Variants in SCARF2 observed in about 807,000 individuals in gnomAD.
SCARF2 encodes the protein scavenger receptor expressed by endothelial cells 2 protein.
In SCARF2, 39 loss-of-function variants were observed where a neutral mutation model predicts 73.4. That is an observed-to-expected ratio of 0.53 (90% CI 0.41 to 0.69). The LOEUF (loss-of-function observed/expected upper bound fraction) is 0.69. SCARF2 is among the 30% of genes least tolerant of loss of function. The pLI, the probability that SCARF2 is intolerant of heterozygous loss-of-function variation, is 0.00. For missense variants in SCARF2, 1,148 were observed against 1,303.5 expected, an observed-to-expected ratio of 0.88 and a Z score of 1.84; for synonymous variants, 605 against 590.0, an observed-to-expected ratio of 1.03 and a Z score of -0.37.
In SCARF2 at chr22:20,425,751, CGGGCCCTGGGCGGCGAGGGCGCAGCGA is replaced by C. The variant is rs1406749508; in HGVS notation, c.2198_2224del (p.Leu733_Ala741del). 2 of 1,246,528 alleles carry C rather than the reference CGGGCCCTGGGCGGCGAGGGCGCAGCGA, an allele frequency of 1.6e-6. No individual in the cohort carries two copies. Among genetic ancestry groups the C allele is most frequent in the East Asian group, 6.5e-5 (2 of 30,632 alleles). The allele number at this position is 1,246,528 out of a possible 1,614,324, so 77.2% of individuals were successfully genotyped here. Reference sequence around the variant, plus strand: ...GAGGCCGGGGCCGCGGCCCCGCGCTCGGGCCCTGGGCGGCGAGGGCGCAGCGAGGGCTGTCGCCTCCTCGGGCAGCCC... The same window carrying C: ...GAGGCCGGGGCCGCGGCCCCGCGCTCGGGCTGTCGCCTCCTCGGGCAGCCC... On this transcript the variant is annotated inframe_deletion, in exon 11 of 11. Transcript: ENST00000622235. This position sits in a 1 kb window ranked among gnomAD's most constrained non-coding sequence, Gnocchi z 4.6.
Position 20,425,119 on chromosome 22 carries a change from A to G in SCARF2, c.*256T>C. 1 of 388,378 alleles carries G rather than the reference A, an allele frequency of 2.6e-6. No homozygotes were observed. Among genetic ancestry groups the G allele is most frequent in the East Asian group, 3.7e-5 (1 of 27,326 alleles). 24.1% of individuals were successfully genotyped at this position (388,378 alleles called of 1,614,324 possible). A position where few individuals can be genotyped will look rare whatever the true frequency, so the allele number is the denominator to read the frequency against. ...AGACGCTGTCTGGTCGGAGCGCTCC[A>G]TAACTCGGCCAATGGGGAGGGAGTC... On this transcript the variant is annotated 3_prime_UTR_variant, in exon 11 of 11. Transcript: ENST00000622235. The surrounding 1 kb of genome is among the most constrained non-coding windows in gnomAD (Gnocchi z 4.6).
At chr22:20,427,619 C>T (rs967987932) in intron 9 of SCARF2, 69 bp from the exon 10 acceptor site, 6 of 1,579,346 alleles carry the variant, frequency 3.8e-6, no homozygotes, top group Non-Finnish European at 5.2e-6. Context: ...TTAGCCCCTG[C>T]TGTGACAAAT....
chr22:20,430,974 C>G (rs1352760070), intron 4 of SCARF2, 44 bp downstream of exon 4: 3 of 1,565,108 alleles, frequency 1.9e-6, no homozygotes, highest in Non-Finnish European at 1.7e-6. Context: ...ATCGGCGGCC[C>G]GCCCTTCCAC....
rs1200339596 is a variant in SCARF2, at chr22:20,430,691, G to A, written c.1072C>T (p.Arg358Trp). 6.3e-7 allele frequency: 1 copy of A among 1,597,744 alleles called. No individual in the cohort carries two copies. The highest frequency in any genetic ancestry group is 1.3e-5 in the African/African-American group (1 of 74,774). The change falls in exon 5 of 11, where the codon CGG (arginine) becomes TGG (tryptophan). Residue 358 changes from arginine (R) to tryptophan (W), a missense_variant and splice_region_variant. Transcript: ENST00000622235. ...GCCGACGCAGGCAGGGCTGCTCACC[G>A]GTCGCCGATCCAGCCCGCGTTGCAG... is the stretch of plus-strand genomic sequence containing the variant. ...TRCNAGWIGDRCETKCSNGTY... is the reference protein window; with the variant it reads ...TRCNAGWIGDWCETKCSNGTY...
chr22:20,431,161 G>T lies in SCARF2; in HGVS notation c.711C>A (p.Gly237=). ...GRCQCRERTF[G]ARCDRYCQCF... ...ACTGGCAGTAGCGATCGCAGCGCGCGCCGAACGTACGCTCGCGGCACTGAC... is the reference window on the plus strand; with the variant it reads ...ACTGGCAGTAGCGATCGCAGCGCGCTCCGAACGTACGCTCGCGGCACTGAC... Residue 237 remains glycine, a synonymous_variant, in exon 4 of 11, where the codon GGC becomes GGA. Coordinates refer to ENST00000622235, the MANE Select transcript of SCARF2 (RefSeq NM_182895.5). 2 of 1,567,282 alleles carry T rather than the reference G, an allele frequency of 1.3e-6. No individual in the cohort carries two copies. Among genetic ancestry groups the T allele is most frequent in the Non-Finnish European group, 8.6e-7 (1 of 1,165,510 alleles).
chr22:20,433,283 G>A (rs2052666959), intron 1 of SCARF2, among the ~76,000 whole-genome samples: 1 of 152,158 alleles, frequency 6.6e-6, no homozygotes, highest in South Asian at 2.1e-4. Flanking sequence ...GTTCCCAGCC[G>A]ACCCAGAACT....
chr22:20,429,618 C>T lies in SCARF2; in HGVS notation c.1342G>A (p.Ala448Thr), dbSNP rs753663889. 6.2e-7 allele frequency: 1 copy of T among 1,613,756 alleles called. No homozygotes were observed. The highest frequency in any genetic ancestry group is 8.5e-7 in the Non-Finnish European group (1 of 1,179,914). Residue 448 changes from alanine (A) to threonine (T), a missense_variant, in exon 8 of 11, where the codon GCG becomes ACG. Around this residue, in one of 5 missense-constraint regions of SCARF2, gnomAD observed 437 missense variants for 433.6 expected, o/e 1.01. Coordinates refer to ENST00000622235, the MANE Select transcript of SCARF2 (RefSeq NM_182895.5). This position sits in a 1 kb window ranked among gnomAD's most constrained non-coding sequence, Gnocchi z 5.2. The stretch of plus-strand genomic sequence containing the variant: ...AGGCAGACGAGCAGGACGAGCAGCG[C>T]GCCCGCGCCCATCACGCCCTTGCGC... The part of the protein sequence containing the change: ...NQRKGVMGAG[A>T]LLVLLVCLLL...
chr22:20,430,832 C>G lies in SCARF2; in HGVS notation c.931G>C (p.Gly311Arg). Residue 311 changes from glycine to arginine, a missense_variant, in exon 5 of 11, where the codon GGA becomes CGA. Around this residue, in one of 5 missense-constraint regions of SCARF2, gnomAD observed 372 missense variants for 532.0 expected, o/e 0.70. Transcript: ENST00000622235. ...GCGCAAGGCTGGTCGCACTTGGTTC[C>G]GTTCCAGCCGGGCTCGCACGTCAAG... ...RCLTCEPGWN[G>R]TKCDQPCATG... 1 of 1,607,256 alleles carries G rather than the reference C, an allele frequency of 6.2e-7. No individual in the cohort carries two copies. The highest frequency in any genetic ancestry group is 8.5e-7 in the Non-Finnish European group (1 of 1,178,022).
Position 20,430,786 on chromosome 22 carries a change from C to G in SCARF2, c.977G>C (p.Gly326Ala), listed in dbSNP as rs1418268494. 5 of 1,605,534 alleles carry G rather than the reference C, an allele frequency of 3.1e-6. No homozygotes were observed. The highest frequency in any genetic ancestry group is 3.4e-6 in the Non-Finnish European group (4 of 1,177,172). Residue 326 changes from glycine (G) to alanine (A), a missense_variant, in exon 5 of 11, where the codon GGC becomes GCC. This residue lies in a region of SCARF2 where 372 missense variants were observed against 532.0 expected (regional missense o/e 0.70). Coordinates refer to ENST00000622235, the MANE Select transcript of SCARF2 (RefSeq NM_182895.5). ...GCATGGCGGACAGCGGTGGCTGCAG[C>G]CCTCGCCATAGAAACCGGTGGCGCA... ...QPCATGFYGE[G>A]CSHRCPPCRD...
At chr22:20,432,109 G>A in intron 1 of SCARF2, 121 bp from the exon 2 acceptor site, 5 of 1,051,352 alleles carry the variant, frequency 4.8e-6, no homozygotes, top group Non-Finnish European at 7.1e-6. Context: ...TGTCCTAGGG[G>A]GGTGGTTAAT....
rs1262162843 is a variant in SCARF2 at position 20,426,148 on chromosome 22, G to T, written c.1828C>A (p.Arg610=). The change falls in exon 11 of 11, where the codon CGG becomes AGG. Residue 610 remains arginine, a synonymous_variant. Transcript: ENST00000622235. The part of the protein sequence containing the change: ...IPLPASSDSE[R]SASSVEGPGG... ...GGCCCCTCCACGCTGGACGCCGACC[G>T]CTCGCTGTCGGAGGACGCGGGGAGG... 2 of 1,469,524 alleles carry T rather than the reference G, an allele frequency of 1.4e-6. No individual in the cohort carries two copies. Among genetic ancestry groups the T allele is most frequent in the East Asian group, 5.2e-5 (2 of 38,246 alleles). 91.0% of individuals were successfully genotyped at this position (1,469,524 alleles called of 1,614,324 possible).
Position 20,425,049 on chromosome 22 carries a change from G to GT in SCARF2, c.*325dup. The GT allele has an allele frequency of 3.3e-6, 1 of 303,254 alleles. No individual in the cohort carries two copies. The highest frequency in any genetic ancestry group is 6.1e-6 in the Non-Finnish European group (1 of 164,552). The allele number at this position is 303,254 out of a possible 1,614,324, so 18.8% of individuals were successfully genotyped here. On this transcript the variant is annotated 3_prime_UTR_variant, in exon 11 of 11. Transcript: ENST00000622235. The surrounding 1 kb of genome is among the most constrained non-coding windows in gnomAD (Gnocchi z 4.6). ...CCCTAACCAAGTCCACTCCTGGCCA[G>GT]TAAGAGGCGGTCTTTAAGCGGAACC... is the stretch of plus-strand genomic sequence containing the variant.
rs1247446851 is a variant in SCARF2 at position 20,425,292 on chromosome 22, C to T, written c.*83G>A. 3.3e-6 allele frequency: 4 copies of T among 1,206,922 alleles called. No individual in the cohort carries two copies. The highest frequency in any genetic ancestry group is 3.2e-5 in the East Asian group (1 of 31,490). 74.8% of individuals were successfully genotyped at this position (1,206,922 alleles called of 1,614,324 possible). A position where few individuals can be genotyped will look rare whatever the true frequency, so the allele number is the denominator to read the frequency against. On this transcript the variant is annotated 3_prime_UTR_variant, in exon 11 of 11. Transcript: ENST00000622235. This position sits in a 1 kb window ranked among gnomAD's most constrained non-coding sequence, Gnocchi z 4.6. ...CGGTGCCCGGCCAATAGGAGGCCGC[C>T]CGTGCCCGGTAGCGTGGGAGGTGTG...
At chr22:20,433,118 G>T (rs1031156927) in intron 1 of SCARF2, among the ~76,000 whole-genome samples, 1 of 152,188 alleles carries the variant, frequency 6.6e-6, no homozygotes, top group Non-Finnish European at 1.5e-5. Flanking sequence ...TAAAACCCTG[G>T]GTGGATGGGG....
At chr22:20,426,646 G>A (rs1471784512) in intron 10 of SCARF2, among the ~76,000 whole-genome samples, 1 of 152,222 alleles carries the variant, frequency 6.6e-6, no homozygotes, top group Non-Finnish European at 1.5e-5. Context: ...TAAGAGAGAA[G>A]GCTTCTAGCT....
In SCARF2 at chr22:20,431,012, G is replaced by C. The variant is rs1395841064; in HGVS notation, c.854+6C>G. ...CCTCCCTCCCTGGCCGAGAGACCGC[G>C]CTTACCGGCGGCGACAGCCCAAGCC... is the stretch of plus-strand genomic sequence containing the variant. On this transcript the variant is annotated splice_donor_region_variant and intron_variant, in intron 4 of 10. Transcript: ENST00000622235. 2 of 1,560,558 alleles carry C rather than the reference G, an allele frequency of 1.3e-6. No homozygotes were observed. The highest frequency in any genetic ancestry group is 1.7e-6 in the Non-Finnish European group (2 of 1,161,242).
rs2052559359 is a variant in SCARF2, at chr22:20,425,346, G to A, written c.*29C>T. The stretch of plus-strand genomic sequence containing the variant: ...TGGCGGGCGGCGCTGCGAAGCTGAG[G>A]GAGCTGCGCGCGGACGAGCCACAGC... On this transcript the variant is annotated 3_prime_UTR_variant, in exon 11 of 11. Transcript: ENST00000622235. This position sits in a 1 kb window ranked among gnomAD's most constrained non-coding sequence, Gnocchi z 4.6. 2 of 1,362,786 alleles carry A rather than the reference G, an allele frequency of 1.5e-6. No homozygotes were observed. Among genetic ancestry groups the A allele is most frequent in the East Asian group, 3.1e-5 (1 of 32,732 alleles). The allele number at this position is 1,362,786 out of a possible 1,614,324, so 84.4% of individuals were successfully genotyped here.
In SCARF2 at chr22:20,425,379, A is replaced by G. The variant is rs754543394; in HGVS notation, c.2597T>C (p.Leu866Pro). 10 of 1,421,424 alleles carry G rather than the reference A, an allele frequency of 7.0e-6. No homozygotes were observed. Among genetic ancestry groups the G allele is most frequent in the East Asian group, 2.9e-5 (1 of 34,792 alleles). The allele number at this position is 1,421,424 out of a possible 1,614,324, so 88.1% of individuals were successfully genotyped here. The stretch of plus-strand genomic sequence containing the variant: ...GCGCGGACGAGCCACAGCCTGCTAC[A>G]GGGTGGGTGCGCCCGCCCTGCCCAG... Reference protein sequence around the residue: ...GELGRAGAPTL With the variant: ...GELGRAGAPTP The change falls in exon 11 of 11, where the codon CTG becomes CCG. Residue 866 changes from leucine to proline, a missense_variant. Physicochemically the swap from Leu to Pro is moderately conservative, Grantham distance 98. Around this residue, in one of 5 missense-constraint regions of SCARF2, gnomAD observed 169 missense variants for 136.9 expected, o/e 1.23. Coordinates refer to ENST00000622235, the MANE Select transcript of SCARF2 (RefSeq NM_182895.5). The surrounding 1 kb of genome is among the most constrained non-coding windows in gnomAD (Gnocchi z 4.6).
intron 1 of SCARF2, among the ~76,000 whole-genome samples, chr22:20,433,082 G>A (rs1442756998): frequency 4.6e-5 from 7 of 152,158 alleles, no homozygotes; most frequent in African/African-American, 1.4e-4. Context: ...CAATGCTACC[G>A]CAGCACTTCA....
Sources: allele counts gnomAD v4.1 joint callset (sites outside exome capture counted in the v4.1 genomes callset), GRCh38; gene constraint gnomAD v4.1.1; regional missense constraint gnomAD v4.1.1; non-coding constraint Gnocchi (gnomAD v3.1); transcripts MANE v1.5; gene names NCBI Gene and HGNC (gene_info 2026-07-23, HGNC 2026-07-21).